The following CDCA3 variants were observed in gnomAD, a reference collection of about 807,000 sequenced individuals.
The protein encoded by CDCA3 is cell division cycle associated 3.
CDCA3 carries 16 observed loss-of-function variants against 29.1 expected under a neutral mutation model. The observed-to-expected ratio is 0.55, with a 90% confidence interval of 0.37 to 0.83. CDCA3 has a LOEUF of 0.83. CDCA3 is among the 40% of genes least tolerant of loss of function. The pLI is 0.00. For synonymous variants in CDCA3, 88 were observed against 124.5 expected, an observed-to-expected ratio of 0.71 and a Z score of 1.95; for missense variants, 291 against 327.2, an observed-to-expected ratio of 0.89 and a Z score of 0.85.
Position 6,850,329 on chromosome 12 carries a change from T to C in CDCA3, c.250+138A>G, listed in dbSNP as rs879978942. The C allele has an allele frequency of 8.9e-5, 105 of 1,180,834 alleles. No homozygotes were observed. The highest frequency in any genetic ancestry group is 1.3e-4 in the Non-Finnish European group (104 of 829,666). The allele number at this position is 1,180,834 out of a possible 1,614,324, so 73.1% of individuals were successfully genotyped here. A position where few individuals can be genotyped will look rare whatever the true frequency, so the allele number is the denominator to read the frequency against. ...CACCGCACCCAGGCTGGGAACAAAA[T>C]ATTGAGATAAGAGTGAGATGGGTCC... On this transcript the variant is annotated intron_variant, in intron 3 of 5. Coordinates refer to ENST00000538862, the MANE Select transcript of CDCA3 (RefSeq NM_031299.7). This position sits in a 1 kb window ranked among gnomAD's most constrained non-coding sequence, Gnocchi z 4.7.
At chr12:6,846,461 A>G (rs1007058310), downstream of CDCA3, 22 of 241,284 alleles carry the variant, frequency 9.1e-5, no homozygotes, top group Non-Finnish European at 1.5e-4. Flanking sequence ...AGATGCTTCC[A>G]GCCTTTCTCT....
chr12:6,847,115 C>A, downstream of CDCA3: 1 of 544,604 alleles, frequency 1.8e-6, no homozygotes, highest in Non-Finnish European at 3.3e-6. Flanking sequence ...GGCCTTCCCT[C>A]CCCACAGTCC....
chr12:6,850,818 G>C lies in CDCA3; in HGVS notation c.120+15C>G. 1 of 1,612,472 alleles carries C rather than the reference G, an allele frequency of 6.2e-7. No individual in the cohort carries two copies. The highest frequency in any genetic ancestry group is 8.5e-7 in the Non-Finnish European group (1 of 1,179,242). On this transcript the variant is annotated intron_variant, in intron 2 of 5. Coordinates refer to ENST00000538862, the MANE Select transcript of CDCA3 (RefSeq NM_031299.7). This position sits in a 1 kb window ranked among gnomAD's most constrained non-coding sequence, Gnocchi z 4.7. ...TTCAGACATTCTCTGCCTTTCCCAC[G>C]CTGGCCCAGAGTACCTGGATGGGAG...
downstream of CDCA3, chr12:6,847,072 A>G (rs904126187): frequency 6.8e-6 from 4 of 586,734 alleles, no homozygotes; most frequent in Non-Finnish European, 1.2e-5. Flanking sequence ...CATCAGGGAC[A>G]CAGGGGCAAA....
chr12:6,850,159 T>TC lies in CDCA3; in HGVS notation c.251-302_251-301insG, dbSNP rs1943806612. ...GGATCACAGGCCCATGCCACCGTGC[T>TC]TTTGTGTGTGTGTGTGTGTGTTATG... On this transcript the variant is annotated intron_variant, in intron 3 of 5. Coordinates refer to ENST00000538862, the MANE Select transcript of CDCA3 (RefSeq NM_031299.7). The surrounding 1 kb of genome is among the most constrained non-coding windows in gnomAD (Gnocchi z 4.7). 2.1e-6 allele frequency: 1 copy of TC among 480,830 alleles called. No individual in the cohort carries two copies. Among genetic ancestry groups the TC allele is most frequent in the Non-Finnish European group, 3.6e-6 (1 of 274,044 alleles). 29.8% of individuals were successfully genotyped at this position (480,830 alleles called of 1,614,324 possible).
downstream of CDCA3, chr12:6,845,449 C>T: frequency 1.5e-6 from 1 of 646,114 alleles, no homozygotes; most frequent in Non-Finnish European, 2.8e-6. Flanking sequence ...GCTTCTCACC[C>T]CAAACCAAGG....
At chr12:6,847,125 C>A, downstream of CDCA3, 1 of 527,360 alleles carries the variant, frequency 1.9e-6, no homozygotes, top group Non-Finnish European at 3.4e-6. Context: ...CCCCACAGTC[C>A]TCACAGCCTC....
chr12:6,850,052 T>TGC lies in CDCA3; in HGVS notation c.251-196_251-195dup. 1 of 522,318 alleles carries TGC rather than the reference T, an allele frequency of 1.9e-6. No homozygotes were observed. Among genetic ancestry groups the TGC allele is most frequent in the Non-Finnish European group, 3.3e-6 (1 of 298,960 alleles). 32.4% of individuals were successfully genotyped at this position (522,318 alleles called of 1,614,324 possible). On this transcript the variant is annotated intron_variant, in intron 3 of 5. Coordinates refer to ENST00000538862, the MANE Select transcript of CDCA3 (RefSeq NM_031299.7). This position sits in a 1 kb window ranked among gnomAD's most constrained non-coding sequence, Gnocchi z 4.7. Reference sequence around the variant, plus strand: ...GCTTGCTCTGTCCCCCAGGCTGGAGTGCAGTGGCGTGATCACAGTTCACTG... The same window carrying TGC: ...GCTTGCTCTGTCCCCCAGGCTGGAGTGCGCAGTGGCGTGATCACAGTTCACTG...
At chr12:6,846,829 G>A (rs1943714800), downstream of CDCA3, 1 of 1,601,660 alleles carries the variant, frequency 6.2e-7, no homozygotes, top group Non-Finnish European at 8.5e-7. Context: ...TGAGCTGCCT[G>A]GGAGTCACAG....
rs1450310388 is a variant in CDCA3, at chr12:6,850,209, G to A, written c.250+258C>T. The A allele has an allele frequency of 9.6e-6, 5 of 523,180 alleles. No individual in the cohort carries two copies. The highest frequency in any genetic ancestry group is 1.7e-5 in the Non-Finnish European group (5 of 291,646). 32.4% of individuals were successfully genotyped at this position (523,180 alleles called of 1,614,324 possible). ...GTGTGTGTATTTTTTCTAGAGATGG[G>A]GTTTTGCCATGTTGCCTAGGCTGGT... On this transcript the variant is annotated intron_variant, in intron 3 of 5. Transcript: ENST00000538862. The surrounding 1 kb of genome is among the most constrained non-coding windows in gnomAD (Gnocchi z 4.7).
downstream of CDCA3, chr12:6,846,664 C>G: frequency 1.6e-6 from 1 of 630,458 alleles, no homozygotes; most frequent in Non-Finnish European, 2.9e-6. Context: ...TACACATGCA[C>G]ACATATCCCC....
At chr12:6,845,743 T>C, downstream of CDCA3, 1 of 1,614,202 alleles carries the variant, frequency 6.2e-7, no homozygotes, top group Non-Finnish European at 8.5e-7. Context: ...CGCCTACTAT[T>C]CGCTGGCTAC....
At chr12:6,846,906 G>C, downstream of CDCA3, 1 of 1,513,918 alleles carries the variant, frequency 6.6e-7, no homozygotes, top group South Asian at 1.2e-5. Context: ...TGAGGAGGCT[G>C]GAGAAAGGGA....
rs1943879594 is a variant in CDCA3, at chr12:6,851,264, C to T, written c.-100G>A. On this transcript the variant is annotated 5_prime_UTR_variant, in exon 1 of 6. Transcript: ENST00000538862. Reference sequence around the variant, plus strand: ...TCTGGATGCACAACAGCTCGTGGCTCAACTCCCGAAGTTACCAGTTTCAAA... The same window carrying T: ...TCTGGATGCACAACAGCTCGTGGCTTAACTCCCGAAGTTACCAGTTTCAAA... The T allele has an allele frequency of 8.7e-7, 1 of 1,143,424 alleles. No individual in the cohort carries two copies. The highest frequency in any genetic ancestry group is 2.6e-5 in the South Asian group (1 of 38,364). The allele number at this position is 1,143,424 out of a possible 1,614,324, so 70.8% of individuals were successfully genotyped here.
downstream of CDCA3, chr12:6,845,915 C>T: frequency 2.7e-6 from 2 of 750,566 alleles, no homozygotes; most frequent in South Asian, 1.6e-5. Context: ...ACTGCTGTCC[C>T]TTGTCACTGG....
In CDCA3 at chr12:6,849,627, G is replaced by A. The variant is rs989131108; in HGVS notation, c.482C>T (p.Thr161Ile). 1.9e-6 allele frequency: 3 copies of A among 1,614,112 alleles called. No individual in the cohort carries two copies. The highest frequency in any genetic ancestry group is 1.6e-4 in the Middle Eastern group (1 of 6,062). Residue 161 changes from threonine (T) to isoleucine (I), a missense_variant, in exon 4 of 6, where the codon ACC (threonine) becomes ATC (isoleucine). By Grantham distance (89) the Thr-to-Ile change is moderately conservative (BLOSUM62 -1). Transcript: ENST00000538862. The surrounding 1 kb of genome is among the most constrained non-coding windows in gnomAD (Gnocchi z 5.2). ...SKEEARQPTE[T>I]PVASQSSDKP... ...GTCGGAGCTCTGGCTGGCCACAGGG[G>A]TTTCTGTGGGCTGTCTTGCTTCCTC...
Position 6,849,965 on chromosome 12 carries a change from G to A in CDCA3, c.251-107C>T. 1 of 1,051,686 alleles carries A rather than the reference G, an allele frequency of 9.5e-7. No homozygotes were observed. Among genetic ancestry groups the A allele is most frequent in the Non-Finnish European group, 1.3e-6 (1 of 756,686 alleles). 65.1% of individuals were successfully genotyped at this position (1,051,686 alleles called of 1,614,324 possible). On this transcript the variant is annotated intron_variant, in intron 3 of 5. Transcript: ENST00000538862. The surrounding 1 kb of genome is among the most constrained non-coding windows in gnomAD (Gnocchi z 5.2). ...TCATGCCCAGGAGGGTGAGCAAGTG[G>A]GAAGAGAGAAATCAAGGAAATCAAG...
chr12:6,849,475 A>ATT lies in CDCA3; in HGVS notation c.545-47_545-46insAA. The ATT allele has an allele frequency of 6.4e-7, 1 of 1,556,176 alleles. No homozygotes were observed. The highest frequency in any genetic ancestry group is 2.3e-5 in the East Asian group (1 of 44,368). On this transcript the variant is annotated intron_variant, in intron 4 of 5. Coordinates refer to ENST00000538862, the MANE Select transcript of CDCA3 (RefSeq NM_031299.7). The surrounding 1 kb of genome is among the most constrained non-coding windows in gnomAD (Gnocchi z 5.2). ...AAGCAAGGACCCAAAACTAGGACTT[A>ATT]CAGTTTATTCCTCCCACACTCACCC...
downstream of CDCA3, chr12:6,845,852 A>G (rs1271883272): frequency 9.1e-7 from 1 of 1,094,422 alleles, no homozygotes; most frequent in Non-Finnish European, 1.3e-6. Flanking sequence ...GACCCTCCCC[A>G]GCCCTCCCTC....
Sources: allele counts gnomAD v4.1 joint callset, GRCh38; gene constraint gnomAD v4.1.1; non-coding constraint Gnocchi (gnomAD v3.1); transcripts MANE v1.5; gene names NCBI Gene and HGNC (gene_info 2026-07-23, HGNC 2026-07-21).